The following SCG3 variants were observed in gnomAD, a reference collection of about 807,000 sequenced individuals.
SCG3 encodes the protein secretogranin III, also known as secretogranin-3.
SCG3 carries 38 observed loss-of-function variants against 56.2 expected under a neutral mutation model. The ratio of observed to expected loss-of-function variants is 0.68; its 90% CI spans 0.52 to 0.89. The LOEUF (loss-of-function observed/expected upper bound fraction) is 0.89. Among genes scored for constraint, SCG3 ranks in the 40% least tolerant of loss-of-function variants. SCG3 has a pLI of 0.00. For synonymous variants in SCG3, 176 were observed against 184.2 expected, an observed-to-expected ratio of 0.96 and a Z score of 0.36; for missense variants, 524 against 540.7, an observed-to-expected ratio of 0.97 and a Z score of 0.31.
chr15:51,709,537 T>C (rs2055398297), intron 10 of SCG3, among the ~76,000 whole-genome samples: 1 of 151,138 alleles, frequency 6.6e-6, no homozygotes, highest in South Asian at 2.1e-4. Flanking sequence ...ATTTGTGTTT[T>C]AAATTGTTTC....
At chr15:51,691,067 G>T (rs943433777) in intron 6 of SCG3, among the ~76,000 whole-genome samples, 13 of 152,178 alleles carry the variant, frequency 8.5e-5, no homozygotes, top group African/African-American at 2.9e-4. Context: ...CTTAGGCTCA[G>T]GAAATGCTTC....
chr15:51,694,076 G>C (rs879778510), intron 7 of SCG3: 1 of 152,018 alleles, frequency 6.6e-6, no homozygotes, highest in African/African-American at 2.4e-5. Context: ...TGTATAAAAT[G>C]TTCCTTACTT....
intron 4 of SCG3, among the ~76,000 whole-genome samples, chr15:51,686,128 A>G (rs1343012756): frequency 6.6e-6 from 1 of 152,232 alleles, no homozygotes; most frequent in Non-Finnish European, 1.5e-5. Context: ...AACAAAAGTT[A>G]TGTGTTAAAC....
At chr15:51,705,672 C>G (rs1198281496) in intron 10 of SCG3, among the ~76,000 whole-genome samples, 1 of 152,098 alleles carries the variant, frequency 6.6e-6, no homozygotes, top group East Asian at 1.9e-4. Context: ...CAGGCATGTG[C>G]CACCACACCC....
rs373601417 is a variant in SCG3 at position 51,688,282 on chromosome 15, A to G, written c.420A>G (p.Gln140=). Residue 140 remains glutamine (Q), a synonymous_variant, in exon 5 of 12, where the codon CAA becomes CAG. Transcript: ENST00000220478. ...TAGATGATCCAGATGGTCTTCATCAACTAGACGGGACTCCTTTAACCGCTG... is the reference window on the plus strand; with the variant it reads ...TAGATGATCCAGATGGTCTTCATCAGCTAGACGGGACTCCTTTAACCGCTG... ...KFQDDPDGLH[Q]LDGTPLTAED... The G allele has an allele frequency of 2.5e-6, 4 of 1,613,690 alleles. No homozygotes were observed. In the African/African-American group the frequency reaches 5.3e-5, roughly 22 times the overall value.
intron 10 of SCG3, among the ~76,000 whole-genome samples, chr15:51,705,175 T>G (rs2055367498): frequency 6.6e-6 from 1 of 152,074 alleles, no homozygotes; most frequent in African/African-American, 2.4e-5. Context: ...CCTCTGGAAG[T>G]GACCCATGTA....
chr15:51,718,707 G>C (rs1211524189), intron 11 of SCG3, among the ~76,000 whole-genome samples: 1 of 152,092 alleles, frequency 6.6e-6, no homozygotes, highest in Non-Finnish European at 1.5e-5. Context: ...ATTTTTGGTG[G>C]GTGTTTTGAC....
intron 10 of SCG3, among the ~76,000 whole-genome samples, chr15:51,706,693 G>GTAA (rs931917441): frequency 3.4e-4 from 51 of 151,788 alleles, no homozygotes; most frequent in Non-Finnish European, 5.6e-4. Context: ...AATAATAATA[G>GTAA]TAATAATAAT....
intron 11 of SCG3, among the ~76,000 whole-genome samples, chr15:51,715,838 A>C (rs966780822): frequency 6.6e-6 from 1 of 150,976 alleles, no homozygotes; most frequent in Non-Finnish European, 1.5e-5. Flanking sequence ...GGACCTCTTC[A>C]CATCTGTCTT....
At chr15:51,702,743 T>C (rs2055347684) in intron 10 of SCG3, among the ~76,000 whole-genome samples, 1 of 152,254 alleles carries the variant, frequency 6.6e-6, no homozygotes, top group Admixed American at 6.5e-5. Flanking sequence ...CATCTCTATG[T>C]CTCAGATAGA....
At position 51,712,401 on chromosome 15, in the gene SCG3, C is replaced by A. The variant is rs2055426109; in HGVS notation, c.1208-932C>A. The stretch of plus-strand genomic sequence containing the variant: ...GCACCTGGTTTCTTGGTGCTGACTC[C>A]CTAAGCTTTAGGGCCTCACCTGGTT... On this transcript the variant is annotated intron_variant, in intron 10 of 11. Transcript: ENST00000220478. Among the ~76,000 whole-genome samples, 3 of 152,150 alleles carry A rather than the reference C, an allele frequency of 2.0e-5. No individual in the cohort carries two copies. In the South Asian group the frequency reaches 6.2e-4, roughly 31 times the overall value.
intron 3 of SCG3, 41 bp downstream of exon 3, chr15:51,683,165 G>C: frequency 6.2e-7 from 1 of 1,601,036 alleles, no homozygotes; most frequent in Non-Finnish European, 8.5e-7. Flanking sequence ...AATAATGTAG[G>C]CTATGAGAAT....
rs1197383629 is a variant in SCG3, at chr15:51,681,790, T to A, written c.35T>A (p.Val12Glu). The A allele has an allele frequency of 4.3e-6, 7 of 1,613,978 alleles. No individual in the cohort carries two copies. The highest frequency in any genetic ancestry group is 5.9e-6 in the Non-Finnish European group (7 of 1,180,008). The change falls in exon 1 of 12, where the codon GTG becomes GAG. Residue 12 changes from valine (V) to glutamate (E), a missense_variant. Val to Glu is a moderately radical substitution (Grantham distance 121). Coordinates refer to ENST00000220478, the MANE Select transcript of SCG3 (RefSeq NM_013243.4). ...GFLGTGTWIL[V>E]LVLPIQAFPK... ...CTCGGGACCGGCACTTGGATTCTGG[T>A]GTTAGTGCTCCCGATTCAAGCTTTC... is the stretch of plus-strand genomic sequence containing the variant.
chr15:51,701,330 G>A, intron 10 of SCG3, 86 bp downstream of exon 10: 7 of 1,345,792 alleles, frequency 5.2e-6, no homozygotes, highest in Non-Finnish European at 7.1e-6. Flanking sequence ...CAAAGAGCAA[G>A]CTCCATCACA....
At chr15:51,699,621 C>T (rs1217623095) in intron 9 of SCG3, among the ~76,000 whole-genome samples, 3 of 152,104 alleles carry the variant, frequency 2.0e-5, no homozygotes, top group African/African-American at 2.4e-5. Flanking sequence ...TAATGTAGGT[C>T]TTTACTGAAG....
chr15:51,689,456 C>T, intron 6 of SCG3, 88 bp downstream of exon 6: 1 of 1,419,552 alleles, frequency 7.0e-7, no homozygotes, highest in Non-Finnish European at 9.4e-7. Context: ...TAATAATTGC[C>T]TTACTTGATA....
Position 51,706,005 on chromosome 15 carries a change from A to T in SCG3, c.1207+4761A>T, listed in dbSNP as rs1380936569. ...AGTTTAGAAAACACCAGCTAAGTGT[A>T]AGCCAAGGACCAGCAATTTCTAGGA... On this transcript the variant is annotated intron_variant, in intron 10 of 11. Coordinates refer to ENST00000220478, the MANE Select transcript of SCG3 (RefSeq NM_013243.4). Among the ~76,000 whole-genome samples the T allele has an allele frequency of 3.9e-5, 6 of 152,358 alleles. No individual in the cohort carries two copies. The South Asian group carries it at 1.2e-3, about 32-fold the overall frequency.
chr15:51,682,947 T>C, intron 2 of SCG3, 132 bp from the exon 3 acceptor site: 1 of 691,770 alleles, frequency 1.4e-6, no homozygotes, highest in Non-Finnish European at 2.4e-6. Flanking sequence ...AACAGTGCTC[T>C]GAAATAGGAA....
intron 8 of SCG3, among the ~76,000 whole-genome samples, chr15:51,696,667 A>T (rs1484790527): frequency 6.6e-6 from 1 of 152,224 alleles, no homozygotes; most frequent in African/African-American, 2.4e-5. Flanking sequence ...TGAAGCAACT[A>T]CTTGTGGCAG....
Sources: allele counts gnomAD v4.1 joint callset (sites outside exome capture counted in the v4.1 genomes callset), GRCh38; gene constraint gnomAD v4.1.1; transcripts MANE v1.5; gene names NCBI Gene and HGNC (gene_info 2026-07-23, HGNC 2026-07-21).